The following EFR3B variants were observed in gnomAD, a reference collection of about 807,000 sequenced individuals.
EFR3B encodes EFR3 homolog B.
A neutral mutation model predicts 104.7 loss-of-function variants in EFR3B; 64 were observed. That is an observed-to-expected ratio of 0.61 (90% CI 0.50 to 0.75). The LOEUF is 0.75. EFR3B is among the 30% of genes least tolerant of loss of function. EFR3B has a pLI of 0.00. For synonymous variants in EFR3B, 385 were observed against 417.9 expected (o/e 0.92, Z 0.96); for missense variants, 750 against 1,078.5 (o/e 0.70, Z 4.27).
intron 4 of EFR3B, among the ~76,000 whole-genome samples, chr2:25,120,642 C>T (rs1669987079): frequency 7.3e-6 from 1 of 136,936 alleles, no homozygotes; most frequent in East Asian, 2.1e-4. Context: ...GACTCCGTCT[C>T]AAAAACAACA....
At chr2:25,074,432 G>T (rs1199582969) in intron 1 of EFR3B, among the ~76,000 whole-genome samples, 11 of 152,010 alleles carry the variant, frequency 7.2e-5, no homozygotes, top group African/African-American at 2.7e-4. Context: ...AGGCGTGGTG[G>T]TGTGTGCCTG....
At chr2:25,106,863 T>C (rs12613223) in intron 4 of EFR3B, among the ~76,000 whole-genome samples, 24,026 of 152,164 alleles carry the variant, frequency 0.16, 3,075 homozygotes, top group East Asian at 0.51. Context: ...AGATTACAGG[T>C]GTGAGCTACC....
At chr2:25,139,554 G>C (rs1160871031) in intron 16 of EFR3B, among the ~76,000 whole-genome samples, 2 of 152,084 alleles carry the variant, frequency 1.3e-5, no homozygotes, top group Non-Finnish European at 2.9e-5. Context: ...AGATCATGCA[G>C]ACTACAGCTA....
intron 21 of EFR3B, among the ~76,000 whole-genome samples, chr2:25,152,842 G>GTGTA (rs1553398668): frequency 1.6e-4 from 15 of 93,216 alleles, no homozygotes; most frequent in African/African-American, 3.7e-4. Context: ...GTGTGTGTGT[G>GTGTA]TATATAAAAC....
chr2:25,130,003 G>A lies in EFR3B; in HGVS notation c.664G>A (p.Glu222Lys), dbSNP rs375073467. 6 of 1,551,588 alleles carry A rather than the reference G, an allele frequency of 3.9e-6. No individual in the cohort carries two copies. In the African/African-American group the frequency reaches 8.2e-5, roughly 21 times the overall value. The part of the protein sequence containing the change: ...SRSPSPLQAP[E>K]KEKESPAELA... ...GTCTCCCTCACCCCTCCAAGCACCT[G>A]AGAAGGAGAAAGAGAGCCCCGCGGA... Residue 222 changes from glutamate to lysine, a missense_variant, in exon 7 of 23, where the codon GAG becomes AAG. Physicochemically the swap from Glu to Lys is moderately conservative, Grantham distance 56 (BLOSUM62 1). Coordinates refer to ENST00000403714, the MANE Select transcript of EFR3B (RefSeq NM_014971.2). This position sits in a 1 kb window ranked among gnomAD's most constrained non-coding sequence, Gnocchi z 4.6.
intron 1 of EFR3B, chr2:25,080,200 A>T: frequency 1.9e-6 from 3 of 1,558,744 alleles, no homozygotes; most frequent in African/African-American, 1.4e-5. Flanking sequence ...ATCTGAAGTG[A>T]TAAGCTTAAA....
chr2:25,102,356 C>T (rs1002980007), intron 3 of EFR3B, among the ~76,000 whole-genome samples: 6 of 152,128 alleles, frequency 3.9e-5, no homozygotes, highest in African/African-American at 1.4e-4. Context: ...AGTCCATTCT[C>T]ATGCTGCTAT....
intron 1 of EFR3B, chr2:25,080,080 A>G (rs527854903): frequency 4.0e-4 from 359 of 898,460 alleles, no homozygotes; most frequent in East Asian, 1.6e-3. Flanking sequence ...AACCCCCACA[A>G]CAGGTATTTC....
At chr2:25,077,437 G>A (rs1052581904) in intron 1 of EFR3B, among the ~76,000 whole-genome samples, 10 of 152,068 alleles carry the variant, frequency 6.6e-5, no homozygotes, top group Non-Finnish European at 1.0e-4. Context: ...ATAGGCACCC[G>A]CCACCACACC....
chr2:25,151,687 G>A (rs1417726547), intron 20 of EFR3B, among the ~76,000 whole-genome samples: 1 of 152,236 alleles, frequency 6.6e-6, no homozygotes, highest in Non-Finnish European at 1.5e-5. Flanking sequence ...CTCCCACATA[G>A]TTCTCAAATT....
rs141656103 is a variant in EFR3B, at chr2:25,084,231, T to A, written c.8-7094T>A. On this transcript the variant is annotated intron_variant, in intron 1 of 22. Transcript: ENST00000403714. ...CTCAGTTAATTAATTATTTTTTTTTTAATTTTTATTTATTTATTTTTTTGA... is the reference window on the plus strand; with the variant it reads ...CTCAGTTAATTAATTATTTTTTTTTAAATTTTTATTTATTTATTTTTTTGA... Among the ~76,000 whole-genome samples the A allele has an allele frequency of 3.2e-4, 49 of 151,936 alleles. 1 individual carries two copies. In the Middle Eastern group the frequency reaches 0.02, roughly 63 times the overall value.
chr2:25,042,216 C>A lies in EFR3B; in HGVS notation c.-97C>A. On this transcript the variant is annotated 5_prime_UTR_variant, in exon 1 of 23. Transcript: ENST00000403714. The surrounding 1 kb of genome is among the most constrained non-coding windows in gnomAD (Gnocchi z 5.4). The stretch of plus-strand genomic sequence containing the variant: ...CGGGCCCCTGTCGGCCGCCGCCAGT[C>A]CCCGCCCCGACTGTGAATGAAAGGC... 8.2e-7 allele frequency: 1 copy of A among 1,224,904 alleles called. No homozygotes were observed. Among genetic ancestry groups the A allele is most frequent in the Non-Finnish European group, 1.0e-6 (1 of 972,002 alleles). The allele number at this position is 1,224,904 out of a possible 1,614,324, so 75.9% of individuals were successfully genotyped here. A position where few individuals can be genotyped will look rare whatever the true frequency, so the allele number is the denominator to read the frequency against.
chr2:25,138,224 C>T (rs1670572396), intron 15 of EFR3B, among the ~76,000 whole-genome samples: 1 of 152,206 alleles, frequency 6.6e-6, no homozygotes, highest in South Asian at 2.1e-4. Context: ...CCAAATGGAG[C>T]TGTGCTTCAG....
chr2:25,109,172 C>CAA (rs57184887), intron 4 of EFR3B, among the ~76,000 whole-genome samples: 13 of 145,860 alleles, frequency 8.9e-5, no homozygotes, highest in African/African-American at 2.8e-4. Context: ...GACTTAACAA[C>CAA]AAAAAAAAAA....
At chr2:25,043,287 C>A (rs1388100885) in intron 1 of EFR3B, among the ~76,000 whole-genome samples, 2 of 152,180 alleles carry the variant, frequency 1.3e-5, no homozygotes, top group Admixed American at 1.3e-4. Context: ...CTCCCACCCC[C>A]ACTGCAAGGT....
chr2:25,143,083 T>C (rs1670718432), intron 17 of EFR3B, among the ~76,000 whole-genome samples: 1 of 150,158 alleles, frequency 6.7e-6, no homozygotes, highest in Non-Finnish European at 1.5e-5. Flanking sequence ...CCGTCTCTAC[T>C]AAAAATACAA....
chr2:25,119,201 G>A (rs542726163), intron 4 of EFR3B, among the ~76,000 whole-genome samples: 4 of 152,202 alleles, frequency 2.6e-5, no homozygotes, highest in Admixed American at 6.5e-5. Flanking sequence ...AGTGACAACC[G>A]GGCTGCTTGT....
At chr2:25,115,876 T>G (rs1333112645) in intron 4 of EFR3B, 1 of 152,248 alleles carries the variant, frequency 6.6e-6, no homozygotes, top group East Asian at 1.9e-4. Flanking sequence ...GCCTCGCCAT[T>G]CCTGATGAAA....
At position 25,155,870 on chromosome 2, in the gene EFR3B, T is replaced by C. The variant is rs1360427382; in HGVS notation, c.*1530T>C. The C allele has an allele frequency of 3.9e-5, 6 of 152,066 alleles. No homozygotes were observed. Among genetic ancestry groups the C allele is most frequent in the Non-Finnish European group, 7.4e-5 (5 of 68,008 alleles). 9.4% of individuals were successfully genotyped at this position (152,066 alleles called of 1,614,324 possible). On this transcript the variant is annotated 3_prime_UTR_variant, in exon 23 of 23. Transcript: ENST00000403714. ...AATCCGTTTTTAATTTTTTTTTTTT[T>C]CTAGAGATGGGGGTCTCACTATGTT...
Sources: allele counts gnomAD v4.1 joint callset (sites outside exome capture counted in the v4.1 genomes callset), GRCh38; gene constraint gnomAD v4.1.1; non-coding constraint Gnocchi (gnomAD v3.1); transcripts MANE v1.5; gene names NCBI Gene and HGNC (gene_info 2026-07-23, HGNC 2026-07-21).